The following TXNL4A variants were observed in gnomAD, a reference collection of about 807,000 sequenced individuals.
The protein encoded by TXNL4A is thioredoxin like 4A.
A neutral mutation model predicts 14.6 loss-of-function variants in TXNL4A; 17 were observed. The ratio of observed to expected loss-of-function variants is 1.16; its 90% confidence interval spans 0.80 to 1.74. The LOEUF is 1.74. TXNL4A is among the 40% of genes most tolerant of loss of function. The pLI, the probability that TXNL4A is intolerant of heterozygous loss-of-function variation, is 0.00. For missense variants in TXNL4A, 74 were observed against 195.2 expected (o/e 0.38, Z 3.70); for synonymous variants, 83 against 70.6 (o/e 1.18, Z -0.88).
chr18:79,994,677 AG>A (rs1292690821), intron 1 of TXNL4A, among the ~76,000 whole-genome samples: 23 of 151,914 alleles, frequency 1.5e-4, no homozygotes, highest in Non-Finnish European at 1.5e-5. Context: ...TCCCTACAGG[AG>A]GCCAACAAAC....
intron 2 of TXNL4A, 173 bp downstream of exon 2, chr18:79,977,425 A>T: frequency 1.7e-6 from 1 of 582,182 alleles, no homozygotes; most frequent in Non-Finnish European, 3.0e-6. Flanking sequence ...TAGAATTGTT[A>T]CTTTGAAAAT....
In TXNL4A at chr18:79,988,488, C is replaced by A; in HGVS notation, c.-96G>T. On this transcript the variant is annotated 5_prime_UTR_variant, in exon 1 of 3. Coordinates refer to ENST00000269601, the MANE Select transcript of TXNL4A (RefSeq NM_006701.5). ...CCCCTCACTCCCCGGCCCCCGCCGC[C>A]CCCGGGCCCACGGACGAAATCCGGT... is the stretch of plus-strand genomic sequence containing the variant. 1 of 1,227,326 alleles carries A rather than the reference C, an allele frequency of 8.1e-7. No homozygotes were observed. The highest frequency in any genetic ancestry group is 1.0e-6 in the Non-Finnish European group (1 of 975,280). The allele number at this position is 1,227,326 out of a possible 1,614,324, so 76.0% of individuals were successfully genotyped here. A position where few individuals can be genotyped will look rare whatever the true frequency, so the allele number is the denominator to read the frequency against.
intron 1 of TXNL4A, among the ~76,000 whole-genome samples, chr18:80,002,787 T>C (rs1440631383): frequency 6.6e-6 from 1 of 152,246 alleles, no homozygotes; most frequent in Non-Finnish European, 1.5e-5. Flanking sequence ...CTGTCCTAAG[T>C]GTGAGCTTTC....
Position 79,988,481 on chromosome 18 carries a change from C to G in TXNL4A, c.-89G>C. The stretch of plus-strand genomic sequence containing the variant: ...CAGCCGGCCCCTCACTCCCCGGCCC[C>G]CGCCGCCCCCGGGCCCACGGACGAA... On this transcript the variant is annotated 5_prime_UTR_variant, in exon 1 of 3. Coordinates refer to ENST00000269601, the MANE Select transcript of TXNL4A (RefSeq NM_006701.5). 3.2e-6 allele frequency: 4 copies of G among 1,235,498 alleles called. No individual in the cohort carries two copies. The highest frequency in any genetic ancestry group is 3.1e-6 in the Non-Finnish European group (3 of 981,654). 76.5% of individuals were successfully genotyped at this position (1,235,498 alleles called of 1,614,324 possible). A position where few individuals can be genotyped will look rare whatever the true frequency, so the allele number is the denominator to read the frequency against.
At chr18:80,020,398 T>A (rs1010261807) in intron 1 of TXNL4A, among the ~76,000 whole-genome samples, 9 of 152,200 alleles carry the variant, frequency 5.9e-5, no homozygotes, top group African/African-American at 2.2e-4. Context: ...AGGATAGCAG[T>A]GCTGCTACAT....
At chr18:80,005,760 C>G (rs978042029) in intron 1 of TXNL4A, among the ~76,000 whole-genome samples, 3 of 152,008 alleles carry the variant, frequency 2.0e-5, no homozygotes, top group African/African-American at 7.3e-5. Flanking sequence ...ACTAAAAGTA[C>G]AAGAATTAGC....
chr18:79,985,023 G>A (rs191561552), intron 1 of TXNL4A, among the ~76,000 whole-genome samples: 5 of 152,110 alleles, frequency 3.3e-5, no homozygotes, highest in African/African-American at 1.2e-4. Context: ...CCCACAAAAT[G>A]GAAAGACAGC....
intron 1 of TXNL4A, among the ~76,000 whole-genome samples, chr18:80,010,231 G>T (rs2051760847): frequency 6.6e-6 from 1 of 152,166 alleles, no homozygotes; most frequent in African/African-American, 2.4e-5. Flanking sequence ...CAGAGAGGGG[G>T]TCCTGAATGG....
chr18:79,974,181 G>A (rs778079361), intron 2 of TXNL4A, among the ~76,000 whole-genome samples: 1 of 152,170 alleles, frequency 6.6e-6, no homozygotes, highest in Non-Finnish European at 1.5e-5. Context: ...GGGAGGCTGA[G>A]GCAGGAGGAT....
At chr18:80,010,870 T>G (rs1439167441) in intron 1 of TXNL4A, among the ~76,000 whole-genome samples, 1 of 152,094 alleles carries the variant, frequency 6.6e-6, no homozygotes, top group Non-Finnish European at 1.5e-5. Flanking sequence ...CAGGGACTCT[T>G]CCCTTGCTGT....
intron 1 of TXNL4A, among the ~76,000 whole-genome samples, chr18:80,019,238 G>A (rs1261232222): frequency 6.6e-6 from 1 of 152,154 alleles, no homozygotes; most frequent in African/African-American, 2.4e-5. Context: ...AACAAGAAAA[G>A]GTTTAATTGG....
At chr18:80,031,428 TC>T (rs1392160354) in intron 1 of TXNL4A, among the ~76,000 whole-genome samples, 1 of 152,152 alleles carries the variant, frequency 6.6e-6, no homozygotes, top group Non-Finnish European at 1.5e-5. Context: ...GGGATGATGC[TC>T]CCCAGGTTAT....
intron 1 of TXNL4A, among the ~76,000 whole-genome samples, chr18:80,021,634 A>G (rs1036756262): frequency 2.0e-5 from 3 of 152,182 alleles, no homozygotes; most frequent in African/African-American, 7.2e-5. Flanking sequence ...ATGGATTGGA[A>G]CTATAGCTTT....
upstream of TXNL4A, chr18:79,988,736 T>A: frequency 5.8e-6 from 1 of 173,756 alleles, no homozygotes; most frequent in Non-Finnish European, 1.2e-5. Flanking sequence ...GCTGTCGGAG[T>A]GGGGGTTCCT....
intron 1 of TXNL4A, among the ~76,000 whole-genome samples, chr18:80,026,556 CTG>C (rs1432611829): frequency 6.6e-6 from 1 of 152,190 alleles, no homozygotes; most frequent in Non-Finnish European, 1.5e-5. Context: ...ACAGGCATGA[CTG>C]TATCTCTGAC....
At chr18:80,017,746 G>C (rs1401284287) in intron 1 of TXNL4A, among the ~76,000 whole-genome samples, 6 of 151,344 alleles carry the variant, frequency 4.0e-5, no homozygotes, top group Admixed American at 3.3e-4. Flanking sequence ...TTTTTGATGT[G>C]CTGCTGGATT....
chr18:80,013,130 T>G (rs1382709162), intron 1 of TXNL4A, among the ~76,000 whole-genome samples: 1 of 150,730 alleles, frequency 6.6e-6, no homozygotes, highest in Admixed American at 6.6e-5. Context: ...AAATTTTTTT[T>G]TTTTTTTTGA....
chr18:80,013,272 G>A (rs373927183), intron 1 of TXNL4A, among the ~76,000 whole-genome samples: 18 of 151,342 alleles, frequency 1.2e-4, no homozygotes, highest in Non-Finnish European at 1.6e-4. Context: ...ATAGGTGCCC[G>A]CCACCATGCC....
intron 1 of TXNL4A, among the ~76,000 whole-genome samples, chr18:80,017,193 G>T (rs980125369): frequency 1.3e-5 from 2 of 151,896 alleles, no homozygotes; most frequent in African/African-American, 4.8e-5. Context: ...GAATGCTTGT[G>T]ATTTTTGTAC....
Sources: allele counts gnomAD v4.1 joint callset (sites outside exome capture counted in the v4.1 genomes callset), GRCh38; gene constraint gnomAD v4.1.1; transcripts MANE v1.5; gene names NCBI Gene and HGNC (gene_info 2026-07-23, HGNC 2026-07-21).